MATR3: variants seen among roughly 807,000 people sequenced by gnomAD.
MATR3 encodes matrin-3.
In MATR3, 4 loss-of-function variants were observed where a neutral mutation model predicts 85.5. The observed-to-expected ratio is 0.05, with a 90% CI of 0.02 to 0.11. The LOEUF is 0.11. MATR3 is among the 10% of genes least tolerant of loss of function. MATR3 has a pLI of 1.00. For missense variants in MATR3, 685 were observed against 1,016.1 expected (o/e 0.67, Z 4.43); for synonymous variants, 336 against 343.1 (o/e 0.98, Z 0.23).
chr5:139,281,433 C>T (rs759995457), intron 3 of MATR3, among the ~76,000 whole-genome samples: 1 of 149,994 alleles, frequency 6.7e-6, no homozygotes, highest in African/African-American at 2.5e-5. Flanking sequence ...ACCTCCACCT[C>T]CTGGGTTCAA....
At chr5:139,317,013 A>G (rs772946684) in intron 5 of MATR3, 40 bp from the exon 6 acceptor site, 49 of 1,575,586 alleles carry the variant, frequency 3.1e-5, no homozygotes, top group African/African-American at 4.0e-5. Flanking sequence ...TTAAGCAAGT[A>G]TAGTGATTAC....
chr5:139,308,927 TC>T (rs1754835802), intron 2 of MATR3, among the ~76,000 whole-genome samples: 1 of 152,174 alleles, frequency 6.6e-6, no homozygotes, highest in South Asian at 2.1e-4. Flanking sequence ...TTTCTCCTTT[TC>T]CACAACTTTC....
chr5:139,309,233 T>C (rs1754852090), intron 2 of MATR3, among the ~76,000 whole-genome samples: 1 of 152,174 alleles, frequency 6.6e-6, no homozygotes, highest in Non-Finnish European at 1.5e-5. Context: ...TCCCCCAATA[T>C]ATGGTGCAGT....
At chr5:139,287,668 C>T (rs1329774602) in intron 3 of MATR3, among the ~76,000 whole-genome samples, 1 of 152,066 alleles carries the variant, frequency 6.6e-6, no homozygotes, top group Non-Finnish European at 1.5e-5. Context: ...GTCACTTAGA[C>T]CTTTCAAAGT....
Position 139,307,136 on chromosome 5 carries a change from A to C in MATR3, c.-177-103A>C, listed in dbSNP as rs1754751723. The C allele has an allele frequency of 1.2e-6, 1 of 809,112 alleles. No homozygotes were observed. 50.1% of individuals were successfully genotyped at this position (809,112 alleles called of 1,614,324 possible). ...AATTCCTTGTAAGTTTGAGATCTTAAATGTTTTTTTTTTAAATCAACATGA... is the reference window on the plus strand; with the variant it reads ...AATTCCTTGTAAGTTTGAGATCTTACATGTTTTTTTTTTAAATCAACATGA... On this transcript the variant is annotated intron_variant, in intron 1 of 14. Coordinates refer to ENST00000394805, the MANE Select transcript of MATR3 (RefSeq NM_018834.6). The surrounding 1 kb of genome is among the most constrained non-coding windows in gnomAD (Gnocchi z 4.4).
At chr5:139,295,606 A>C (rs1392987417) in intron 1 of MATR3, among the ~76,000 whole-genome samples, 1 of 152,108 alleles carries the variant, frequency 6.6e-6, no homozygotes, top group Non-Finnish European at 1.5e-5. Flanking sequence ...CTTTAAACAT[A>C]CTAATTTTTT....
At chr5:139,325,192 C>CAAA in intron 12 of MATR3, 2 of 1,084,534 alleles carry the variant, frequency 1.8e-6, no homozygotes, top group Non-Finnish European at 2.5e-6. Context: ...GACTCCGTCT[C>CAAA]AAAAAAAAAA....
chr5:139,294,004 C>T, intron 1 of MATR3, 199 bp downstream of exon 1: 1 of 1,285,302 alleles, frequency 7.8e-7, no homozygotes, highest in Non-Finnish European at 9.9e-7. Context: ...AGTGGCGGCG[C>T]AACCAGCCTT....
intron 1 of MATR3, chr5:139,276,055 G>A: frequency 2.2e-6 from 1 of 456,730 alleles, no homozygotes; most frequent in African/African-American, 2.0e-5. Context: ...GTGTTTTGAG[G>A]GGAGGGACTC....
At chr5:139,329,249 C>T (rs967851035) in intron 14 of MATR3, 96 bp from the exon 15 acceptor site, 8 of 867,714 alleles carry the variant, frequency 9.2e-6, no homozygotes, top group South Asian at 2.8e-5. Context: ...AGTTTAAGTC[C>T]CTAAACTTGG....
upstream of MATR3, among the ~76,000 whole-genome samples, chr5:139,290,780 C>T (rs1561922941): frequency 6.6e-6 from 1 of 151,986 alleles, no homozygotes; most frequent in Non-Finnish European, 1.5e-5. Context: ...CCTGTTACTT[C>T]GTTTACGGCA....
chr5:139,289,569 C>A (rs1341892842), upstream of MATR3, among the ~76,000 whole-genome samples: 1 of 152,194 alleles, frequency 6.6e-6, no homozygotes, highest in Non-Finnish European at 1.5e-5. Flanking sequence ...CTTCCTTCTA[C>A]CAATCTAATG....
At position 139,307,182 on chromosome 5, in the gene MATR3, A is replaced by C; in HGVS notation, c.-177-57A>C. Reference sequence around the variant, plus strand: ...CATGATGCATAAGTTTTTTTTTCTTAAAAAAACGGCATCTGCTTAAAGGGA... The same window carrying C: ...CATGATGCATAAGTTTTTTTTTCTTCAAAAAACGGCATCTGCTTAAAGGGA... On this transcript the variant is annotated intron_variant, in intron 1 of 14. Transcript: ENST00000394805. This position sits in a 1 kb window ranked among gnomAD's most constrained non-coding sequence, Gnocchi z 4.4. The C allele has an allele frequency of 8.5e-7, 1 of 1,176,708 alleles. No homozygotes were observed. The highest frequency in any genetic ancestry group is 4.0e-5 in the East Asian group (1 of 25,144). 72.9% of individuals were successfully genotyped at this position (1,176,708 alleles called of 1,614,324 possible). A position where few individuals can be genotyped will look rare whatever the true frequency, so the allele number is the denominator to read the frequency against.
intron 1 of MATR3, among the ~76,000 whole-genome samples, chr5:139,306,502 A>G (rs1345602900): frequency 1.3e-5 from 2 of 152,152 alleles, no homozygotes; most frequent in Non-Finnish European, 2.9e-5. Context: ...GAGGGCTCCT[A>G]TTCCTGTACT....
chr5:139,316,197 A>T lies in MATR3; in HGVS notation c.1129+9A>T, dbSNP rs372039740. 6.3e-7 allele frequency: 1 copy of T among 1,586,564 alleles called. No individual in the cohort carries two copies. Among genetic ancestry groups the T allele is most frequent in the Admixed American group, 1.7e-5 (1 of 59,952 alleles). ...ACCAAGAGGAAATCTGGGTAATTAT[A>T]TAAAATTCATGTTACTTTTCCCTAC... is the stretch of plus-strand genomic sequence containing the variant. On this transcript the variant is annotated intron_variant, in intron 5 of 14. Transcript: ENST00000394805.
intron 2 of MATR3, among the ~76,000 whole-genome samples, chr5:139,277,677 C>T (rs1018270773): frequency 2.0e-5 from 3 of 151,740 alleles, no homozygotes; most frequent in Non-Finnish European, 2.9e-5. Flanking sequence ...TTCCATCTCT[C>T]CAGATAAGGG....
intron 1 of MATR3, among the ~76,000 whole-genome samples, chr5:139,298,021 G>A (rs1234325716): frequency 6.6e-6 from 1 of 152,176 alleles, no homozygotes; most frequent in Non-Finnish European, 1.5e-5. Flanking sequence ...TGGGCCAGCA[G>A]TAAATGCAGC....
chr5:139,316,335 T>G (rs997829507), intron 5 of MATR3, 147 bp downstream of exon 5: 11 of 659,682 alleles, frequency 1.7e-5, no homozygotes, highest in Admixed American at 1.6e-4. Context: ...AACCTCTGCC[T>G]CCTGGGTGCA....
Position 139,278,236 on chromosome 5 carries a change from T to A in MATR3, c.-256-815T>A, listed in dbSNP as rs560568463. 2.5e-4 allele frequency: 91 copies of A among 368,948 alleles called. No individual in the cohort carries two copies. In the East Asian group the frequency reaches 3.3e-3, roughly 13 times the overall value. 22.9% of individuals were successfully genotyped at this position (368,948 alleles called of 1,614,324 possible). ...GAGTGAGACCCTATCTCAAAAAATATATATATATATATACACACACACACA... is the reference window on the plus strand; with the variant it reads ...GAGTGAGACCCTATCTCAAAAAATAAATATATATATATACACACACACACA... On this transcript the variant is annotated intron_variant, in intron 2 of 16. Transcript: ENST00000509990.
Sources: allele counts gnomAD v4.1 joint callset (sites outside exome capture counted in the v4.1 genomes callset), GRCh38; gene constraint gnomAD v4.1.1; non-coding constraint Gnocchi (gnomAD v3.1); transcripts MANE v1.5; gene names NCBI Gene and HGNC (gene_info 2026-07-23, HGNC 2026-07-21).